Variants in IL1RAPL1 observed in about 807,000 individuals in gnomAD.
IL1RAPL1 encodes the protein interleukin-1 receptor accessory protein-like 1.
In IL1RAPL1, 3 loss-of-function variants were observed where a neutral mutation model predicts 48.4. The observed-to-expected ratio is 0.06, with a 90% CI of 0.03 to 0.16. The LOEUF is 0.16. Ranked by LOEUF, IL1RAPL1 falls within the 10% of genes least tolerant of loss-of-function variation. The probability of loss-of-function intolerance (pLI) is 1.00; values close to 1 mark genes in which losing one functional copy is unlikely to be tolerated. For missense variants in IL1RAPL1, 349 were observed against 530.6 expected (o/e 0.66, Z 3.36); for synonymous variants, 185 against 187.7 (o/e 0.99, Z 0.12).
chrX:29,051,068 T>C (rs1413909919), intron 2 of IL1RAPL1, among the ~76,000 whole-genome samples: 2 of 112,375 alleles, frequency 1.8e-5, no homozygotes, highest in African/African-American at 6.5e-5. Context: ...CAGATACTTA[T>C]ACATGTTTTT....
intron 6 of IL1RAPL1, among the ~76,000 whole-genome samples, chrX:29,912,788 C>T (rs2147234530): frequency 8.9e-6 from 1 of 112,234 alleles, no homozygotes; most frequent in African/African-American, 3.2e-5. Flanking sequence ...GTGTAATTGG[C>T]ATATCCTAGT....
Position 29,579,725 on chromosome X carries a change from T to A in IL1RAPL1, c.704-88705T>A, listed in dbSNP as rs188470432. On this transcript the variant is annotated intron_variant, in intron 5 of 10. Coordinates refer to ENST00000378993, the MANE Select transcript of IL1RAPL1 (RefSeq NM_014271.4). ...ATGTACTTTATGCTTTAAATGAATA[T>A]TCCTCTAATATCAACTCCAAAGCAG... 2.4e-3 allele frequency among the ~76,000 whole-genome samples: 265 copies of A among 111,634 alleles called. 1 individual carries two copies. The highest frequency in any genetic ancestry group is 7.2e-3 in the South Asian group (19 of 2,651).
chrX:29,153,578 A>G (rs979456360), intron 2 of IL1RAPL1, among the ~76,000 whole-genome samples: 1 of 112,527 alleles, frequency 8.9e-6, no homozygotes, highest in Non-Finnish European at 1.9e-5. Context: ...TGAAATAGAA[A>G]AGTTGACTTA....
At chrX:29,552,688 G>A (rs1370306417) in intron 5 of IL1RAPL1, among the ~76,000 whole-genome samples, 5 of 109,325 alleles carry the variant, frequency 4.6e-5, no homozygotes, top group African/African-American at 1.7e-4. Flanking sequence ...TCATAGTTTA[G>A]CAATCCTTTT....
intron 5 of IL1RAPL1, among the ~76,000 whole-genome samples, chrX:29,636,466 T>C (rs1337358261): frequency 8.9e-6 from 1 of 112,345 alleles, no homozygotes; most frequent in Non-Finnish European, 1.9e-5. Context: ...TTTTTGGAAC[T>C]ATTTAGCAAC....
intron 2 of IL1RAPL1, among the ~76,000 whole-genome samples, chrX:29,167,365 C>T (rs1437479853): frequency 9.2e-6 from 1 of 108,195 alleles, no homozygotes; most frequent in Non-Finnish European, 1.9e-5. Context: ...TCCTTTCCTT[C>T]TTATTTTTTT....
chrX:29,441,127 C>CA (rs1304434628), intron 5 of IL1RAPL1, among the ~76,000 whole-genome samples: 1 of 110,861 alleles, frequency 9.0e-6, no homozygotes, highest in African/African-American at 3.3e-5. Flanking sequence ...GCCTCTCTTT[C>CA]AAAGAACCCA....
intron 3 of IL1RAPL1, among the ~76,000 whole-genome samples, chrX:29,287,801 T>C (rs761460215): frequency 8.9e-6 from 1 of 112,358 alleles, no homozygotes; most frequent in South Asian, 3.7e-4. Flanking sequence ...TTCTAAATAT[T>C]AATTCTTTTT....
chrX:28,640,366 GAC>G (rs1934519545), intron 1 of IL1RAPL1, among the ~76,000 whole-genome samples: 1 of 110,633 alleles, frequency 9.0e-6, no homozygotes, highest in South Asian at 3.9e-4. Context: ...TGTTTTTTGA[GAC>G]AGAGTCTTGC....
At chrX:29,324,478 T>C (rs1474466995) in intron 3 of IL1RAPL1, among the ~76,000 whole-genome samples, 1 of 111,778 alleles carries the variant, frequency 8.9e-6, no homozygotes, top group Non-Finnish European at 1.9e-5. Context: ...GTCCAGATTC[T>C]TCTTGACCTC....
chrX:29,556,375 G>A (rs757328803), intron 5 of IL1RAPL1, among the ~76,000 whole-genome samples: 5 of 111,761 alleles, frequency 4.5e-5, no homozygotes, highest in African/African-American at 6.5e-5. Context: ...CAGGCCAGGC[G>A]TAGTGGCTCA....
intron 2 of IL1RAPL1, among the ~76,000 whole-genome samples, chrX:28,976,130 G>A (rs1253577528): frequency 8.9e-6 from 1 of 111,940 alleles, no homozygotes; most frequent in Non-Finnish European, 1.9e-5. Context: ...TGAATGGAAG[G>A]TTTTGAAAAA....
In IL1RAPL1 at chrX:28,831,026, CTGTGTGTGTGTGTGTG is replaced by C. The variant is rs57923954; in HGVS notation, c.82+41637_82+41652del. Among the ~76,000 whole-genome samples, 159 of 33,623 alleles carry C rather than the reference CTGTGTGTGTGTGTGTG, an allele frequency of 4.7e-3. 2 individuals are homozygous for C. The highest frequency in any genetic ancestry group is 9.2e-3 in the African/African-American group (61 of 6,627). 29.2% of individuals were successfully genotyped at this position (33,623 alleles called of 115,157 possible). A position where few individuals can be genotyped will look rare whatever the true frequency, so the allele number is the denominator to read the frequency against. On this transcript the variant is annotated intron_variant, in intron 2 of 10. Transcript: ENST00000378993. ...TCTCTCTCTCTCTCTCTCTCTCTCT[CTGTGTGTGTGTGTGTG>C]TGTGTGTGTGTGTGTGTGTGTGTGT... is the stretch of plus-strand genomic sequence containing the variant.
chrX:29,822,188 C>T (rs1352388468), intron 6 of IL1RAPL1, among the ~76,000 whole-genome samples: 1 of 110,680 alleles, frequency 9.0e-6, no homozygotes, highest in East Asian at 2.8e-4. Context: ...ACAAACAAAG[C>T]CTATATTGTG....
At chrX:29,294,669 T>C (rs1932423508) in intron 3 of IL1RAPL1, among the ~76,000 whole-genome samples, 1 of 111,729 alleles carries the variant, frequency 9.0e-6, no homozygotes, top group African/African-American at 3.3e-5. Context: ...AATAAAACTT[T>C]ACTTACACAG....
intron 1 of IL1RAPL1, among the ~76,000 whole-genome samples, chrX:28,741,164 T>G (rs1478309403): frequency 8.9e-6 from 1 of 112,039 alleles, no homozygotes; most frequent in African/African-American, 3.2e-5. Context: ...TCAGTAGTGT[T>G]TAAGCATTCC....
intron 5 of IL1RAPL1, among the ~76,000 whole-genome samples, chrX:29,631,494 T>C (rs1924773787): frequency 8.9e-6 from 1 of 112,131 alleles, no homozygotes; most frequent in Admixed American, 9.5e-5. Context: ...TTGCCCAGGC[T>C]GGGCTCGAAC....
intron 7 of IL1RAPL1, 101 bp from the exon 8 acceptor site, chrX:29,919,848 T>C (rs1932831633): frequency 1.3e-6 from 1 of 799,539 alleles, no homozygotes; most frequent in Admixed American, 2.2e-5. Flanking sequence ...GCACAGATTT[T>C]GTAGGTAGTT....
intron 5 of IL1RAPL1, among the ~76,000 whole-genome samples, chrX:29,525,607 C>A (rs912781899): frequency 9.0e-6 from 1 of 111,702 alleles, no homozygotes; most frequent in Non-Finnish European, 1.9e-5. Context: ...CCAGGATATA[C>A]TGCGTTACCA....
Sources: gnomAD v4.1 joint callset for allele counts (sites outside exome capture counted in the v4.1 genomes callset) on GRCh38, gnomAD v4.1.1 for gene constraint, MANE v1.5 for transcripts, NCBI Gene and HGNC (gene_info 2026-07-23, HGNC 2026-07-21) for gene names.